Variants in TMEM230 observed in about 807,000 individuals in gnomAD.
TMEM230 encodes the protein transmembrane protein 230.
A neutral mutation model predicts 15.8 loss-of-function variants in TMEM230; 10 were observed. That is an observed-to-expected ratio of 0.63 (90% CI 0.39 to 1.07). The LOEUF is 1.07. TMEM230 is among the 50% of genes least tolerant of loss of function. The probability of loss-of-function intolerance (pLI) is 0.01; values close to 1 mark genes in which losing one functional copy is unlikely to be tolerated. For missense variants in TMEM230, 165 were observed against 193.3 expected, an observed-to-expected ratio of 0.85 and a Z score of 0.87; for synonymous variants, 67 against 76.9, an observed-to-expected ratio of 0.87 and a Z score of 0.68.
At chr20:5,065,461 TCA>T (rs1042601006), downstream of TMEM230, among the ~76,000 whole-genome samples, 6 of 152,308 alleles carry the variant, frequency 3.9e-5, no homozygotes, top group African/African-American at 1.4e-4. Context: ...CTGCTTGTTT[TCA>T]CCAATGGTCC....
At chr20:5,069,683 C>CCCCTTCCCTT (rs112956141) in intron 3 of TMEM230, among the ~76,000 whole-genome samples, 2 of 151,528 alleles carry the variant, frequency 1.3e-5, no homozygotes, top group African/African-American at 4.9e-5. Context: ...TCTTTCCTCT[C>CCCCTTCCCTT]CCCTTCCCTT....
chr20:5,106,465 G>A (rs556242607), intron 3 of TMEM230, among the ~76,000 whole-genome samples, 155 bp from the exon 3 acceptor site: 2 of 152,244 alleles, frequency 1.3e-5, no homozygotes, highest in Non-Finnish European at 2.9e-5. Context: ...GAGCAATGGC[G>A]TGATCTTGGC....
the TMEM230 span, among the ~76,000 whole-genome samples, chr20:5,062,095 G>A: frequency 6.6e-6 from 1 of 151,980 alleles, no homozygotes; most frequent in African/African-American, 2.4e-5. Flanking sequence ...GATGGCGGGT[G>A]CCTGTAATCC....
At chr20:5,070,501 C>T (rs1032379145) in intron 3 of TMEM230, among the ~76,000 whole-genome samples, 3 of 152,028 alleles carry the variant, frequency 2.0e-5, no homozygotes, top group African/African-American at 7.3e-5. Context: ...AGGAAGAGAA[C>T]CTGGAAGAAG....
chr20:5,077,593 G>A (rs1253135681), intron 3 of TMEM230, among the ~76,000 whole-genome samples: 5 of 151,900 alleles, frequency 3.3e-5, no homozygotes, highest in African/African-American at 1.2e-4. Context: ...CAGCACTTTG[G>A]GGGGCTGAGG....
At chr20:5,099,236 CAATCA>C (rs2089760456), downstream of TMEM230, among the ~76,000 whole-genome samples, 1 of 76,196 alleles carries the variant, frequency 1.3e-5, no homozygotes, top group Admixed American at 1.3e-4. Flanking sequence ...ATAAATAAAT[CAATCA>C]ATCAATAATA....
intron 1 of TMEM230, chr20:5,112,582 T>G: frequency 1.4e-6 from 1 of 728,042 alleles, no homozygotes; most frequent in Non-Finnish European, 1.9e-6. Flanking sequence ...AAACGAGCAT[T>G]TTCAAAGTAT....
chr20:5,083,243 TTGA>T (rs1005907569), intron 3 of TMEM230, among the ~76,000 whole-genome samples: 1 of 151,532 alleles, frequency 6.6e-6, no homozygotes, highest in Non-Finnish European at 1.5e-5. Flanking sequence ...CTTCATATAC[TTGA>T]TGATGTTAGG....
chr20:5,060,332 C>CTTTTTTTTTTTTTT, the TMEM230 span, among the ~76,000 whole-genome samples: 1 of 102,912 alleles, frequency 9.7e-6, no homozygotes. Flanking sequence ...AGTGTATTGT[C>CTTTTTTTTTTTTTT]TTTTTTTTTT....
downstream of TMEM230, among the ~76,000 whole-genome samples, chr20:5,097,979 T>TC (rs1358616121): frequency 7.4e-6 from 1 of 135,406 alleles, no homozygotes; most frequent in Non-Finnish European, 1.6e-5. Context: ...ATTTTTTTTT[T>TC]TTTTTTTTTT....
In TMEM230 at chr20:5,110,338, G is replaced by A. The variant is rs552271772; in HGVS notation, c.175-893C>T. The stretch of plus-strand genomic sequence containing the variant: ...CTCACTTTGCTGTCCAGGATGGAGT[G>A]CAGTGGCGCAATCTCCATTCACTGC... On this transcript the variant is annotated intron_variant, in intron 2 of 4. Transcript: ENST00000342308. Among the ~76,000 whole-genome samples, 89 of 151,686 alleles carry A rather than the reference G, an allele frequency of 5.9e-4. No homozygotes were observed. In the Middle Eastern group the frequency reaches 0.02, roughly 35 times the overall value.
intron 3 of TMEM230, among the ~76,000 whole-genome samples, chr20:5,075,531 C>T (rs193178599): frequency 1.3e-5 from 2 of 151,518 alleles, no homozygotes; most frequent in African/African-American, 4.8e-5. Context: ...TTGAGACCAG[C>T]CTGGCCAACA....
In TMEM230 at chr20:5,109,410, G is replaced by A; in HGVS notation, c.210C>T (p.Asn70=). Residue 70 remains asparagine, a synonymous_variant, in exon 3 of 5, where the codon AAC becomes AAT. Coordinates refer to ENST00000342308, the MANE Select transcript of TMEM230 (RefSeq NM_001009923.2). ...TACTACTGGGGATTCCAGTAGCCAG[G>A]TTGGTACGGGACGGCATCATAACAC... 1.2e-6 allele frequency: 2 copies of A among 1,613,856 alleles called. No individual in the cohort carries two copies. The highest frequency in any genetic ancestry group is 2.2e-5 in the South Asian group (2 of 91,056).
chr20:5,060,309 T>C, the TMEM230 span, among the ~76,000 whole-genome samples: 1 of 150,774 alleles, frequency 6.6e-6, no homozygotes, highest in African/African-American at 2.4e-5. Context: ...TGGACTGGAA[T>C]CATATGTTAT....
At chr20:5,104,069 T>G (rs559367714) in intron 4 of TMEM230, among the ~76,000 whole-genome samples, 12 of 152,190 alleles carry the variant, frequency 7.9e-5, no homozygotes, top group Non-Finnish European at 1.2e-4. Flanking sequence ...GCTCAAACTC[T>G]GTAGGAAAAA....
At chr20:5,064,586 A>G (rs2122515515), downstream of TMEM230, among the ~76,000 whole-genome samples, 1 of 152,320 alleles carries the variant, frequency 6.6e-6, no homozygotes, top group East Asian at 1.9e-4. Flanking sequence ...CAAAATAAAA[A>G]AAGACTGACA....
rs578126722 is a variant in TMEM230 at position 5,105,987 on chromosome 20, G to A, written c.411+201C>T. ...AGGCTGAGGTGAGAGGATCGCTTGA[G>A]CCCAGGGAGGTAAAGGTTGTGCCAC... On this transcript the variant is annotated intron_variant, in intron 4 of 4. Coordinates refer to ENST00000342308, the MANE Select transcript of TMEM230 (RefSeq NM_001009923.2). 6.6e-5 allele frequency among the ~76,000 whole-genome samples: 10 copies of A among 152,092 alleles called. No homozygotes were observed. In the South Asian group the frequency reaches 1.9e-3, roughly 28 times the overall value.
At chr20:5,084,253 T>C (rs892952840) in intron 3 of TMEM230, among the ~76,000 whole-genome samples, 6 of 151,434 alleles carry the variant, frequency 4.0e-5, no homozygotes, top group African/African-American at 1.5e-4. Context: ...AGACGGAGTC[T>C]TGCTCTCTCA....
chr20:5,106,049 T>A (rs2090065082), intron 4 of TMEM230, 139 bp downstream of exon 3: 1 of 1,334,134 alleles, frequency 7.5e-7, no homozygotes, highest in Admixed American at 2.9e-5. Context: ...AGACCCTGTC[T>A]CAAAAAAAAC....
Sources: allele counts gnomAD v4.1 joint callset (sites outside exome capture counted in the v4.1 genomes callset), GRCh38; gene constraint gnomAD v4.1.1; transcripts MANE v1.5; gene names NCBI Gene and HGNC (gene_info 2026-07-23, HGNC 2026-07-21).